Variants in TLK1 observed in about 807,000 individuals in gnomAD.
TLK1 encodes the protein serine/threonine-protein kinase tousled-like 1.
A neutral mutation model predicts 105.3 loss-of-function variants in TLK1; 24 were observed. The ratio of observed to expected loss-of-function variants is 0.23; its 90% CI spans 0.17 to 0.32. The LOEUF (loss-of-function observed/expected upper bound fraction) is 0.32. Among genes scored for constraint, TLK1 ranks in the 10% least tolerant of loss-of-function variants. The pLI is 1.00. For missense variants in TLK1, 558 were observed against 910.5 expected (o/e 0.61, Z 4.98); for synonymous variants, 321 against 310.4 (o/e 1.03, Z -0.36).
At position 171,056,535 on chromosome 2, in the gene TLK1, C is replaced by T; in HGVS notation, c.485G>A (p.Arg162Lys). 1 of 1,612,310 alleles carries T rather than the reference C, an allele frequency of 6.2e-7. No individual in the cohort carries two copies. The highest frequency in any genetic ancestry group is 8.5e-7 in the Non-Finnish European group (1 of 1,178,914). The change falls in exon 6 of 21, where the codon AGA (arginine) becomes AAA (lysine). Residue 162 changes from arginine to lysine, a missense_variant. Around this residue, in one of 5 missense-constraint regions of TLK1, gnomAD observed 196 missense variants for 239.3 expected, o/e 0.82. Transcript: ENST00000431350. ...AGAACGGATTGCAGGAGGTATGCCT[C>T]TTACTGGACTTGAGCCATTTCCACC... ...YQGGNGSSPV[R>K]GIPPAIRSPQ...
At chr2:171,058,306 G>A in intron 4 of TLK1, 109 bp from the exon 5 acceptor site, 1 of 1,034,748 alleles carries the variant, frequency 9.7e-7, no homozygotes, top group Non-Finnish European at 1.5e-6. Context: ...AAAATCAAAT[G>A]ACATTTCAAT....
At chr2:171,219,746 A>C (rs1042616188) in intron 1 of TLK1, among the ~76,000 whole-genome samples, 9 of 152,098 alleles carry the variant, frequency 5.9e-5, no homozygotes, top group Non-Finnish European at 8.8e-5. Flanking sequence ...AATTAAAGGC[A>C]CGTGCCACCA....
At chr2:171,211,283 T>C (rs989322060) in intron 1 of TLK1, among the ~76,000 whole-genome samples, 1 of 152,248 alleles carries the variant, frequency 6.6e-6, no homozygotes, top group African/African-American at 2.4e-5. Flanking sequence ...GCTCCCTTTC[T>C]ATAACCGGTT....
intron 1 of TLK1, among the ~76,000 whole-genome samples, chr2:171,196,944 T>A (rs1693287140): frequency 6.6e-6 from 1 of 152,230 alleles, no homozygotes; most frequent in African/African-American, 2.4e-5. Flanking sequence ...TTTTTCAAAG[T>A]AATGAGCATA....
At chr2:171,159,489 G>A (rs1692365998) in intron 1 of TLK1, 1 of 152,196 alleles carries the variant, frequency 6.6e-6, no homozygotes, top group African/African-American at 2.4e-5. Flanking sequence ...AGAAAACTTA[G>A]AAAACAATTG....
intron 1 of TLK1, among the ~76,000 whole-genome samples, chr2:171,127,927 C>T (rs1192499395): frequency 6.6e-6 from 1 of 151,970 alleles, no homozygotes; most frequent in African/African-American, 2.4e-5. Context: ...ACACACTTTC[C>T]GAAGATTTCA....
At chr2:171,006,415 G>A (rs999172624) in intron 17 of TLK1, 59 bp downstream of exon 17, 1 of 1,503,170 alleles carries the variant, frequency 6.7e-7, no homozygotes. Context: ...ATAACTTAAT[G>A]AATGACTTTT....
intron 3 of TLK1, among the ~76,000 whole-genome samples, chr2:171,080,722 TC>T (rs1688712978): frequency 6.6e-6 from 1 of 151,860 alleles, no homozygotes. Context: ...TTTTTTTTTT[TC>T]TTAAGACAGG....
At chr2:171,088,657 A>G (rs1397812379) in intron 2 of TLK1, among the ~76,000 whole-genome samples, 1 of 152,226 alleles carries the variant, frequency 6.6e-6, no homozygotes, top group Admixed American at 6.5e-5. Flanking sequence ...ATGGCATTGG[A>G]GTGTGCAACA....
intron 11 of TLK1, among the ~76,000 whole-genome samples, chr2:171,030,748 T>C (rs1033003523): frequency 6.6e-6 from 1 of 152,178 alleles, no homozygotes; most frequent in Admixed American, 6.5e-5. Context: ...TTTAAATTTG[T>C]TTTCTTTCTA....
Position 171,006,272 on chromosome 2 carries a change from T to C in TLK1, c.1779A>G (p.Leu593=), listed in dbSNP as rs1424260031. Residue 593 remains leucine, a synonymous_variant, in exon 18 of 21, where the codon CTA becomes CTG. Coordinates refer to ENST00000431350, the MANE Select transcript of TLK1 (RefSeq NM_012290.5). ...IHYDLKPGNI[L]LVDGTACGEI... ...CACCACATGCTGTTCCATCTACCAG[T>C]AGGATGTTTCCTAAGAATAAAATAT... is the stretch of plus-strand genomic sequence containing the variant. 4 of 1,593,154 alleles carry C rather than the reference T, an allele frequency of 2.5e-6. No homozygotes were observed. The highest frequency in any genetic ancestry group is 1.2e-5 in the South Asian group (1 of 86,638).
chr2:171,197,087 T>C (rs1693289866), intron 1 of TLK1, among the ~76,000 whole-genome samples: 1 of 152,138 alleles, frequency 6.6e-6, no homozygotes, highest in South Asian at 2.1e-4. Context: ...AAATACTCAG[T>C]AGCAAACTTT....
intron 14 of TLK1, among the ~76,000 whole-genome samples, chr2:171,007,525 A>G (rs1684704506): frequency 6.6e-6 from 1 of 151,966 alleles, no homozygotes; most frequent in Non-Finnish European, 1.5e-5. Context: ...TATTTTTCCA[A>G]CTGTTGAAAA....
intron 18 of TLK1, among the ~76,000 whole-genome samples, chr2:171,004,632 G>T (rs1470490987): frequency 6.6e-6 from 1 of 152,214 alleles, no homozygotes; most frequent in Non-Finnish European, 1.5e-5. Flanking sequence ...GAGTGAGAGA[G>T]AAACAAATAA....
At chr2:171,086,463 T>C (rs942389775) in intron 2 of TLK1, among the ~76,000 whole-genome samples, 11 of 151,828 alleles carry the variant, frequency 7.2e-5, no homozygotes, top group African/African-American at 2.4e-4. Flanking sequence ...CCGTCTCTAC[T>C]AAAAATACAA....
At chr2:171,123,339 G>C (rs1185202932) in intron 1 of TLK1, among the ~76,000 whole-genome samples, 1 of 151,734 alleles carries the variant, frequency 6.6e-6, no homozygotes, top group East Asian at 1.9e-4. Flanking sequence ...CGGGATTACA[G>C]GCACATGCCA....
intron 2 of TLK1, among the ~76,000 whole-genome samples, chr2:171,099,557 T>C (rs1689601277): frequency 6.6e-6 from 1 of 152,098 alleles, no homozygotes. Flanking sequence ...CAAAATAATC[T>C]TGAAAAAAGA....
intron 1 of TLK1, among the ~76,000 whole-genome samples, chr2:171,174,610 T>C (rs1048828376): frequency 3.3e-5 from 5 of 152,194 alleles, no homozygotes; most frequent in Non-Finnish European, 7.3e-5. Flanking sequence ...ATTTTTTGCA[T>C]GTCCTCCTCC....
chr2:171,024,525 CAA>C, intron 12 of TLK1, among the ~76,000 whole-genome samples: 1 of 152,158 alleles, frequency 6.6e-6, no homozygotes, highest in South Asian at 2.1e-4. Flanking sequence ...TAAGGAAAAG[CAA>C]ACAGTCCAGT....
Sources: allele counts gnomAD v4.1 joint callset (sites outside exome capture counted in the v4.1 genomes callset), GRCh38; gene constraint gnomAD v4.1.1; regional missense constraint gnomAD v4.1.1; transcripts MANE v1.5; gene names NCBI Gene and HGNC (gene_info 2026-07-23, HGNC 2026-07-21).